The following EPHB1 variants were observed in gnomAD, a reference collection of about 807,000 sequenced individuals.
The protein encoded by EPHB1 is ephrin type-B receptor 1.
In EPHB1, 30 loss-of-function variants were observed where a neutral mutation model predicts 94.4. The observed-to-expected ratio is 0.32, with a 90% CI of 0.24 to 0.43. The LOEUF (loss-of-function observed/expected upper bound fraction) is 0.43, where lower values mean the gene tolerates loss of function less well. EPHB1 is among the 20% of genes least tolerant of loss of function. The pLI is 1.00. For missense variants in EPHB1, 1,055 were observed against 1,308.3 expected (o/e 0.81, Z 2.99); for synonymous variants, 522 against 489.1 (o/e 1.07, Z -0.89).
At chr3:135,257,592 C>G (rs545642763) in intron 15 of EPHB1, among the ~76,000 whole-genome samples, 7 of 151,922 alleles carry the variant, frequency 4.6e-5, no homozygotes, top group African/African-American at 1.7e-4. Flanking sequence ...TCTCCAGCTG[C>G]GTGCTGGGAG....
At chr3:135,105,804 G>A (rs545633058) in intron 3 of EPHB1, among the ~76,000 whole-genome samples, 16 of 152,152 alleles carry the variant, frequency 1.1e-4, no homozygotes, top group Admixed American at 2.0e-4. Flanking sequence ...CCCCACCCCC[G>A]GAAGCATATC....
At chr3:135,083,801 G>A (rs1938244639) in intron 3 of EPHB1, among the ~76,000 whole-genome samples, 1 of 152,016 alleles carries the variant, frequency 6.6e-6, no homozygotes, top group Non-Finnish European at 1.5e-5. Flanking sequence ...AATAATAGAG[G>A]CCAAATGAGT....
intron 3 of EPHB1, among the ~76,000 whole-genome samples, chr3:135,041,869 G>A (rs974309245): frequency 6.6e-6 from 1 of 151,624 alleles, no homozygotes; most frequent in African/African-American, 2.4e-5. Flanking sequence ...GGCAAAGAGA[G>A]GGCACCTGCA....
intron 1 of EPHB1, among the ~76,000 whole-genome samples, chr3:134,914,644 G>T (rs1388028886): frequency 6.6e-6 from 1 of 152,154 alleles, no homozygotes; most frequent in Non-Finnish European, 1.5e-5. Flanking sequence ...ATCATCAGGG[G>T]TCTGGCAGAA....
intron 12 of EPHB1, among the ~76,000 whole-genome samples, chr3:135,216,940 A>C (rs1943162343): frequency 6.6e-6 from 1 of 152,080 alleles, no homozygotes; most frequent in African/African-American, 2.4e-5. Flanking sequence ...ATCACTGTTC[A>C]AGGAAAGAAG....
At chr3:134,799,577 T>C (rs1426165430) in intron 1 of EPHB1, among the ~76,000 whole-genome samples, 1 of 152,196 alleles carries the variant, frequency 6.6e-6, no homozygotes, top group Non-Finnish European at 1.5e-5. Flanking sequence ...TGTAAACAAC[T>C]GCAGAGGCCC....
chr3:134,843,366 T>A (rs1227586200), intron 1 of EPHB1, among the ~76,000 whole-genome samples: 1 of 152,242 alleles, frequency 6.6e-6, no homozygotes, highest in Non-Finnish European at 1.5e-5. Flanking sequence ...GGGAATCTCC[T>A]CGTATTACCC....
chr3:135,031,228 C>A (rs9832058), intron 3 of EPHB1, among the ~76,000 whole-genome samples: 8 of 151,972 alleles, frequency 5.3e-5, no homozygotes, highest in African/African-American at 1.9e-4. Flanking sequence ...TGTTCCTATT[C>A]GGCCCTCTTG....
chr3:135,150,451 G>A (rs967601383), intron 5 of EPHB1, among the ~76,000 whole-genome samples: 7 of 152,286 alleles, frequency 4.6e-5, no homozygotes, highest in South Asian at 2.1e-4. Context: ...ACTCTGTCCC[G>A]TGATTGCAAG....
chr3:135,199,772 A>G (rs759845591), intron 11 of EPHB1, among the ~76,000 whole-genome samples: 14 of 152,226 alleles, frequency 9.2e-5, no homozygotes, highest in Non-Finnish European at 1.8e-4. Flanking sequence ...TCATGCAATC[A>G]TTGTTAGACT....
At chr3:134,859,891 G>T (rs2037210125) in intron 1 of EPHB1, among the ~76,000 whole-genome samples, 1 of 151,804 alleles carries the variant, frequency 6.6e-6, no homozygotes, top group Non-Finnish European at 1.5e-5. Context: ...TCATTTTGTT[G>T]TTAATCTTTT....
chr3:135,013,020 G>A (rs1474388649), intron 3 of EPHB1, among the ~76,000 whole-genome samples: 1 of 152,132 alleles, frequency 6.6e-6, no homozygotes, highest in Non-Finnish European at 1.5e-5. Context: ...TTTCCAAGCT[G>A]AGACATCATA....
chr3:135,214,072 C>T (rs4320080), intron 12 of EPHB1, among the ~76,000 whole-genome samples: 104,186 of 152,054 alleles, frequency 0.69, 35,855 homozygotes, highest in East Asian at 0.82. Flanking sequence ...ACTTCTGAGA[C>T]TCCCTTTCTT....
chr3:134,810,633 G>C (rs1296422044), intron 1 of EPHB1, among the ~76,000 whole-genome samples: 1 of 152,208 alleles, frequency 6.6e-6, no homozygotes, highest in Admixed American at 6.5e-5. Context: ...CTCTGGTTCA[G>C]CTGAGCTTGA....
At chr3:134,836,075 A>G (rs2036669826) in intron 1 of EPHB1, among the ~76,000 whole-genome samples, 1 of 152,208 alleles carries the variant, frequency 6.6e-6, no homozygotes, top group Admixed American at 6.5e-5. Context: ...GGCAAAGGGT[A>G]TCTGGAGAGA....
rs750713793 is a variant in EPHB1 at position 134,925,920 on chromosome 3, G to A, written c.123+40G>A. Reference sequence around the variant, plus strand: ...ATTCGTCTTTCAGTCCTGCTATGAGGTCCTGGATCCATATGATATCTAGGG... The same window carrying A: ...ATTCGTCTTTCAGTCCTGCTATGAGATCCTGGATCCATATGATATCTAGGG... On this transcript the variant is annotated intron_variant, in intron 2 of 15. Transcript: ENST00000398015. 28 of 1,549,686 alleles carry A rather than the reference G, an allele frequency of 1.8e-5. No homozygotes were observed. The East Asian group carries it at 1.9e-4, about 10-fold the overall frequency.
chr3:134,912,079 C>T (rs368230956), intron 1 of EPHB1, among the ~76,000 whole-genome samples: 28 of 152,192 alleles, frequency 1.8e-4, no homozygotes, highest in African/African-American at 5.8e-4. Flanking sequence ...CATCCATCGC[C>T]GGCCTTCATT....
Position 135,201,921 on chromosome 3 carries a change from A to G in EPHB1, c.2346+232A>G, listed in dbSNP as rs140899981. ...GGACTGTGAGGAAGGGTCAGTGTCT[A>G]TTATGAAGCTATAGTGTTCCTTGGG... On this transcript the variant is annotated intron_variant, in intron 12 of 15. Coordinates refer to ENST00000398015, the MANE Select transcript of EPHB1 (RefSeq NM_004441.5). Among the ~76,000 whole-genome samples, 7 of 152,222 alleles carry G rather than the reference A, an allele frequency of 4.6e-5. No individual in the cohort carries two copies. In the East Asian group the frequency reaches 9.7e-4, roughly 21 times the overall value.
At chr3:134,956,981 T>C (rs766960417) in intron 3 of EPHB1, among the ~76,000 whole-genome samples, 5 of 152,126 alleles carry the variant, frequency 3.3e-5, no homozygotes. Flanking sequence ...CCACTGTTCC[T>C]CAACTGATCA....
Sources: allele counts gnomAD v4.1 joint callset (sites outside exome capture counted in the v4.1 genomes callset), GRCh38; gene constraint gnomAD v4.1.1; transcripts MANE v1.5; gene names NCBI Gene and HGNC (gene_info 2026-07-23, HGNC 2026-07-21).